Variants in MAP3K13 observed in about 807,000 individuals in gnomAD.
The protein encoded by MAP3K13 is mitogen-activated protein kinase kinase kinase 13.
Under a neutral mutation model 104.0 loss-of-function variants are expected in MAP3K13, and 52 were observed. The observed-to-expected ratio is 0.50, with a 90% CI of 0.40 to 0.63. MAP3K13 has a LOEUF of 0.63. Ranked by LOEUF, MAP3K13 falls within the 20% of genes least tolerant of loss-of-function variation. MAP3K13 has a pLI of 0.00. For synonymous variants in MAP3K13, 394 were observed against 442.2 expected (o/e 0.89, Z 1.37); for missense variants, 914 against 1,218.5 (o/e 0.75, Z 3.72).
chr3:185,337,158 G>A (rs745768725), intron 2 of MAP3K13, among the ~76,000 whole-genome samples: 41 of 152,152 alleles, frequency 2.7e-4, no homozygotes, highest in Non-Finnish European at 5.0e-4. Flanking sequence ...TCCCACCTCA[G>A]CCTCCCAAAG....
chr3:185,382,365 A>G (rs573077524), intron 1 of MAP3K13, among the ~76,000 whole-genome samples: 1 of 152,352 alleles, frequency 6.6e-6, no homozygotes, highest in Admixed American at 6.5e-5. Context: ...TGGTTGACCA[A>G]GGTAACTGAA....
At chr3:185,300,501 T>G (rs2108679292) in intron 2 of MAP3K13, among the ~76,000 whole-genome samples, 1 of 151,132 alleles carries the variant, frequency 6.6e-6, no homozygotes. Flanking sequence ...TTTTCTTTTT[T>G]TTCTTTTTCA....
At chr3:185,466,725 T>A in intron 9 of MAP3K13, 101 bp from the exon 10 acceptor site, 2 of 1,382,974 alleles carry the variant, frequency 1.4e-6, no homozygotes, top group South Asian at 2.4e-5. Flanking sequence ...TTCAAATAGC[T>A]AAATGTGGCA....
At chr3:185,433,870 T>C (rs1161532493) in intron 2 of MAP3K13, among the ~76,000 whole-genome samples, 3 of 152,210 alleles carry the variant, frequency 2.0e-5, no homozygotes, top group African/African-American at 7.2e-5. Context: ...AAAATACTAA[T>C]AGGCATTATT....
At chr3:185,481,454 C>G (rs143805096) in intron 13 of MAP3K13, 2 of 152,010 alleles carry the variant, frequency 1.3e-5, no homozygotes, top group African/African-American at 4.8e-5. Context: ...CACACCACTG[C>G]ACTCCAGCCT....
chr3:185,344,291 G>A (rs1722833387), intron 2 of MAP3K13, among the ~76,000 whole-genome samples: 1 of 152,138 alleles, frequency 6.6e-6, no homozygotes, highest in Non-Finnish European at 1.5e-5. Flanking sequence ...GAATAGATAA[G>A]TCAGAAGGAA....
chr3:185,347,332 T>C (rs1370752060), intron 2 of MAP3K13, among the ~76,000 whole-genome samples: 1 of 152,206 alleles, frequency 6.6e-6, no homozygotes, highest in East Asian at 1.9e-4. Flanking sequence ...TGTATACAGA[T>C]ACAGATATAT....
chr3:185,392,240 C>A (rs1023460597), intron 1 of MAP3K13, among the ~76,000 whole-genome samples: 7 of 152,104 alleles, frequency 4.6e-5, no homozygotes, highest in African/African-American at 1.7e-4. Flanking sequence ...ATGGCACCTG[C>A]CTGCACAGAG....
chr3:185,433,534 A>G (rs983094380), intron 2 of MAP3K13, among the ~76,000 whole-genome samples: 4 of 152,054 alleles, frequency 2.6e-5, no homozygotes, highest in Non-Finnish European at 5.9e-5. Flanking sequence ...CTCATTATTG[A>G]TAGGGACTTT....
intron 1 of MAP3K13, among the ~76,000 whole-genome samples, chr3:185,387,384 G>T (rs963018566): frequency 9.9e-5 from 15 of 152,076 alleles, no homozygotes; most frequent in African/African-American, 3.4e-4. Flanking sequence ...TGTGATCTCT[G>T]CACAAGTTGG....
intron 2 of MAP3K13, among the ~76,000 whole-genome samples, chr3:185,436,945 G>A (rs1300631746): frequency 7.5e-6 from 1 of 133,420 alleles, no homozygotes; most frequent in African/African-American, 2.8e-5. Flanking sequence ...AGGTTGCAGT[G>A]AGCTGAGATC....
In MAP3K13 at chr3:185,453,798, GATAT is replaced by G. The variant is rs1214609364; in HGVS notation, c.1278+2412_1278+2415del. Among the ~76,000 whole-genome samples, 5 of 53,362 alleles carry G rather than the reference GATAT, an allele frequency of 9.4e-5. No individual in the cohort carries two copies. The South Asian group carries it at 3.0e-3, about 32-fold the overall frequency. 35.0% of individuals were successfully genotyped at this position (53,362 alleles called of 152,430 possible). A position where few individuals can be genotyped will look rare whatever the true frequency, so the allele number is the denominator to read the frequency against. ...AAAAAAAAATTATATATATATATGA[GATAT>G]ATATATATGATACATATATATGAGA... On this transcript the variant is annotated intron_variant, in intron 7 of 13. Transcript: ENST00000265026.
upstream of MAP3K13, among the ~76,000 whole-genome samples, chr3:185,358,833 C>T (rs1577461135): frequency 6.6e-6 from 1 of 152,124 alleles, no homozygotes; most frequent in South Asian, 2.1e-4. Flanking sequence ...CAAACTACAT[C>T]TTTATGTAGA....
At chr3:185,444,954 G>A (rs760977550) in intron 4 of MAP3K13, among the ~76,000 whole-genome samples, 3 of 152,032 alleles carry the variant, frequency 2.0e-5, no homozygotes. Context: ...CTGCACTCCA[G>A]CCTGGACCAC....
At chr3:185,366,594 A>G (rs1317549330) in intron 1 of MAP3K13, among the ~76,000 whole-genome samples, 1 of 152,132 alleles carries the variant, frequency 6.6e-6, no homozygotes, top group African/African-American at 2.4e-5. Context: ...CCTCTTCAAC[A>G]CTTGTTATTA....
intron 1 of MAP3K13, among the ~76,000 whole-genome samples, chr3:185,402,399 T>C (rs1299246691): frequency 6.6e-6 from 1 of 152,210 alleles, no homozygotes. Flanking sequence ...TTTCTTTGTG[T>C]TGTTTCTTCA....
In MAP3K13 at chr3:185,488,130, TTAATA is replaced by T. The variant is rs1302081191; in HGVS notation, c.*5678_*5682del. 1 of 152,130 alleles carries T rather than the reference TTAATA, an allele frequency of 6.6e-6. No homozygotes were observed. Among genetic ancestry groups the T allele is most frequent in the Non-Finnish European group, 1.5e-5 (1 of 68,036 alleles). 9.4% of individuals were successfully genotyped at this position (152,130 alleles called of 1,614,324 possible). A position where few individuals can be genotyped will look rare whatever the true frequency, so the allele number is the denominator to read the frequency against. On this transcript the variant is annotated 3_prime_UTR_variant, in exon 14 of 14. Coordinates refer to ENST00000265026, the MANE Select transcript of MAP3K13 (RefSeq NM_004721.5). ...TCCCTCACCTTTTATAAACAGAAAA[TTAATA>T]TAAGTCCCAGTTACTTGCTTCTTAG...
chr3:185,441,729 C>A (rs1715331966), intron 3 of MAP3K13, among the ~76,000 whole-genome samples: 1 of 151,774 alleles, frequency 6.6e-6, no homozygotes, highest in African/African-American at 2.4e-5. Context: ...ATGATGAAAC[C>A]CCGTCTCTAC....
intron 2 of MAP3K13, among the ~76,000 whole-genome samples, chr3:185,329,505 C>T (rs979112032): frequency 5.3e-5 from 8 of 152,202 alleles, no homozygotes; most frequent in Admixed American, 4.6e-4. Context: ...AATGTATTTT[C>T]AAAGAGGAAG....
Sources: allele counts gnomAD v4.1 joint callset (sites outside exome capture counted in the v4.1 genomes callset), GRCh38; gene constraint gnomAD v4.1.1; transcripts MANE v1.5; gene names NCBI Gene and HGNC (gene_info 2026-07-23, HGNC 2026-07-21).